The following FGF12 variants were observed in gnomAD, a reference collection of about 807,000 sequenced individuals.
FGF12 encodes the protein fibroblast growth factor 12B.
In FGF12, 14 loss-of-function variants were observed where a neutral mutation model predicts 23.6. That is an observed-to-expected ratio of 0.59 (90% CI 0.39 to 0.93). The LOEUF is 0.93. FGF12 is among the 40% of genes least tolerant of loss of function. FGF12 has a pLI of 0.00. For missense variants in FGF12, 175 were observed against 217.8 expected (o/e 0.80, Z 1.24); for synonymous variants, 62 against 77.3 (o/e 0.80, Z 1.04).
At chr3:192,456,290 A>C (rs1169177924) in intron 2 of FGF12, among the ~76,000 whole-genome samples, 2 of 152,222 alleles carry the variant, frequency 1.3e-5, no homozygotes, top group Admixed American at 6.5e-5. Context: ...GAAACTGGAA[A>C]ACCAAATTTG....
intron 2 of FGF12, among the ~76,000 whole-genome samples, chr3:192,526,955 A>G (rs1404964392): frequency 6.6e-6 from 1 of 152,202 alleles, no homozygotes; most frequent in Non-Finnish European, 1.5e-5. Flanking sequence ...TCCAAAAGAA[A>G]TGCAAGCCAG....
At chr3:192,289,238 G>A (rs1294506088) in intron 4 of FGF12, among the ~76,000 whole-genome samples, 1 of 152,068 alleles carries the variant, frequency 6.6e-6, no homozygotes, top group Non-Finnish European at 1.5e-5. Flanking sequence ...CTAAGTGCTG[G>A]GATGCAGGAC....
At chr3:192,210,086 T>C (rs2108676842) in intron 4 of FGF12, among the ~76,000 whole-genome samples, 2 of 152,320 alleles carry the variant, frequency 1.3e-5, no homozygotes, top group Middle Eastern at 3.4e-3. Context: ...AAACAATGAT[T>C]TTCAGATGTT....
chr3:192,641,397 G>A lies in FGF12; in HGVS notation c.13+85784C>T, dbSNP rs1177055051. On this transcript the variant is annotated intron_variant, in intron 2 of 5. Coordinates refer to ENST00000445105, the MANE Select transcript of FGF12 (RefSeq NM_004113.6). Reference sequence around the variant, plus strand: ...TGGGATTACAGGCGTGAGCCACCGCGCCCGGCCTTTTTTTTTTTTTTTTTG... The same window carrying A: ...TGGGATTACAGGCGTGAGCCACCGCACCCGGCCTTTTTTTTTTTTTTTTTG... Among the ~76,000 whole-genome samples, 20 of 36,992 alleles carry A rather than the reference G, an allele frequency of 5.4e-4. 5 individuals are homozygous for A. Among genetic ancestry groups the A allele is most frequent in the Admixed American group, 1.0e-3 (5 of 4,928 alleles). 24.3% of individuals were successfully genotyped at this position (36,992 alleles called of 152,430 possible). A position where few individuals can be genotyped will look rare whatever the true frequency, so the allele number is the denominator to read the frequency against.
intron 2 of FGF12, among the ~76,000 whole-genome samples, chr3:192,539,408 T>G (rs1349099249): frequency 6.6e-6 from 1 of 152,194 alleles, no homozygotes; most frequent in Non-Finnish European, 1.5e-5. Context: ...TCATGTGTTT[T>G]TTGTATTTTG....
At chr3:192,228,983 A>C (rs1022977325) in intron 4 of FGF12, among the ~76,000 whole-genome samples, 2 of 152,022 alleles carry the variant, frequency 1.3e-5, no homozygotes, top group East Asian at 3.9e-4. Context: ...ATGTAGCATA[A>C]TCCTCATGTT....
chr3:192,562,142 A>C (rs1315374274), intron 2 of FGF12, among the ~76,000 whole-genome samples: 1 of 152,210 alleles, frequency 6.6e-6, no homozygotes, highest in Middle Eastern at 3.2e-3. Context: ...AAGAAGTTTC[A>C]AAATAGTATA....
intron 3 of FGF12, among the ~76,000 whole-genome samples, chr3:192,354,726 G>C (rs1033592902): frequency 2.0e-5 from 3 of 152,118 alleles, no homozygotes; most frequent in African/African-American, 7.2e-5. Flanking sequence ...TAGTTTTCGA[G>C]ACAGAGTCTC....
intron 2 of FGF12, among the ~76,000 whole-genome samples, chr3:192,671,070 G>GT (rs1395810839): frequency 1.3e-5 from 2 of 152,138 alleles, no homozygotes; most frequent in Admixed American, 6.5e-5. Flanking sequence ...CTGGAATATC[G>GT]TAAGTACGAA....
chr3:192,204,198 C>T (rs2035946), intron 4 of FGF12, among the ~76,000 whole-genome samples: 13,599 of 152,094 alleles, frequency 0.089, 651 homozygotes, highest in East Asian at 0.13. Flanking sequence ...GCCCCACACA[C>T]GGCAGATCTG....
intron 2 of FGF12, among the ~76,000 whole-genome samples, chr3:192,482,331 G>A (rs1434049676): frequency 2.0e-5 from 3 of 152,096 alleles, no homozygotes; most frequent in Admixed American, 6.6e-5. Flanking sequence ...AACAGGTACC[G>A]TGGTAAAGAA....
At chr3:192,372,028 A>C (rs1719255432) in intron 2 of FGF12, among the ~76,000 whole-genome samples, 1 of 151,884 alleles carries the variant, frequency 6.6e-6, no homozygotes, top group Non-Finnish European at 1.5e-5. Flanking sequence ...CTCCTGTCAC[A>C]AAAAAAAGTG....
At chr3:192,606,207 C>A (rs942151850) in intron 2 of FGF12, among the ~76,000 whole-genome samples, 4 of 152,116 alleles carry the variant, frequency 2.6e-5, no homozygotes, top group Non-Finnish European at 1.5e-5. Context: ...AGAACAAAAT[C>A]ATGTCCTTTG....
chr3:192,701,117 C>T (rs1718280249), intron 2 of FGF12, among the ~76,000 whole-genome samples: 1 of 152,152 alleles, frequency 6.6e-6, no homozygotes, highest in Non-Finnish European at 1.5e-5. Flanking sequence ...GATAAAACCC[C>T]TTGGTTTCCA....
intron 4 of FGF12, among the ~76,000 whole-genome samples, chr3:192,320,328 T>C (rs1716468038): frequency 6.6e-6 from 1 of 151,994 alleles, no homozygotes; most frequent in Non-Finnish European, 1.5e-5. Flanking sequence ...ACTGAGCAAA[T>C]ATTATCAGAG....
At chr3:192,492,332 T>C (rs1723824574) in intron 2 of FGF12, among the ~76,000 whole-genome samples, 1 of 152,148 alleles carries the variant, frequency 6.6e-6, no homozygotes, top group Admixed American at 6.6e-5. Flanking sequence ...TCTTTCCTAT[T>C]TCCTCCACCC....
At chr3:192,714,496 T>C (rs1030761187) in intron 2 of FGF12, among the ~76,000 whole-genome samples, 2 of 150,912 alleles carry the variant, frequency 1.3e-5, no homozygotes, top group African/African-American at 4.9e-5. Context: ...GTCTTATTTA[T>C]AGATCTTAAG....
At chr3:192,427,856 A>G (rs2108788214) in intron 2 of FGF12, among the ~76,000 whole-genome samples, 2 of 152,344 alleles carry the variant, frequency 1.3e-5, no homozygotes, top group Middle Eastern at 6.8e-3. Context: ...GCAGAGAAGT[A>G]GGTATGGGGG....
intron 2 of FGF12, among the ~76,000 whole-genome samples, chr3:192,566,667 A>G (rs909419076): frequency 3.9e-5 from 6 of 152,208 alleles, no homozygotes; most frequent in African/African-American, 7.2e-5. Flanking sequence ...TTTGTCCGTC[A>G]TAATATTTCA....
Sources: gnomAD v4.1 joint callset for allele counts (sites outside exome capture counted in the v4.1 genomes callset) on GRCh38, gnomAD v4.1.1 for gene constraint, MANE v1.5 for transcripts, NCBI Gene and HGNC (gene_info 2026-07-23, HGNC 2026-07-21) for gene names.